Variants in TGM4 observed in about 807,000 individuals in gnomAD.
TGM4 encodes the protein transglutaminase 4.
In TGM4, 61 loss-of-function variants were observed where a neutral mutation model predicts 76.3. The observed-to-expected ratio is 0.80, with a 90% CI of 0.65 to 0.99. TGM4 has a LOEUF of 0.99. Among genes scored for constraint, TGM4 ranks in the 50% least tolerant of loss-of-function variants. The pLI is 0.00. For synonymous variants in TGM4, 337 were observed against 329.8 expected (o/e 1.02, Z -0.24); for missense variants, 794 against 843.2 (o/e 0.94, Z 0.72).
At chr3:44,878,219 A>C (rs1699475080) in intron 1 of TGM4, among the ~76,000 whole-genome samples, 1 of 151,826 alleles carries the variant, frequency 6.6e-6, no homozygotes, top group African/African-American at 2.4e-5. Context: ...GATAAATTTC[A>C]AGACATGTGT....
At chr3:44,896,124 T>G (rs147164369) in intron 5 of TGM4, among the ~76,000 whole-genome samples, 3,038 of 152,302 alleles carry the variant, frequency 0.02, 52 homozygotes, top group Middle Eastern at 0.065. Flanking sequence ...TATTATTATT[T>G]TTTTGAGACA....
At chr3:44,906,094 G>T (rs764754347) in intron 9 of TGM4, among the ~76,000 whole-genome samples, 1 of 152,226 alleles carries the variant, frequency 6.6e-6, no homozygotes, top group Non-Finnish European at 1.5e-5. Context: ...CAGTCAACAA[G>T]TTAGGAGAAG....
intron 1 of TGM4, among the ~76,000 whole-genome samples, chr3:44,877,102 C>T (rs1374035162): frequency 2.6e-5 from 4 of 151,982 alleles, no homozygotes; most frequent in Non-Finnish European, 2.9e-5. Context: ...CCCAGGAGTT[C>T]GAGACCAGCC....
rs1019803351 is a variant in TGM4, at chr3:44,914,027, G to A, written c.*302G>A. The A allele has an allele frequency of 9.6e-5, 28 of 291,030 alleles. No homozygotes were observed. Among genetic ancestry groups the A allele is most frequent in the Non-Finnish European group, 1.3e-4 (21 of 156,398 alleles). The allele number at this position is 291,030 out of a possible 1,614,324, so 18.0% of individuals were successfully genotyped here. On this transcript the variant is annotated 3_prime_UTR_variant, in exon 14 of 14. Transcript: ENST00000296125. The stretch of plus-strand genomic sequence containing the variant: ...GTCTCAATTCAAATCCATAGATTTC[G>A]AAGCCACAGAGTCTCTCCCTGGAGC...
At position 44,901,922 on chromosome 3, in the gene TGM4, A is replaced by T. The variant is rs771802099; in HGVS notation, c.962A>T (p.Asp321Val). ...NGEKITSMTH[D>V]SVWNFHVWTD... ...GAGAAAATCACCAGTATGACCCACG[A>T]CTCTGTCTGGTAGGGTTCCTCCTTC... is the stretch of plus-strand genomic sequence containing the variant. Residue 321 changes from aspartate to valine, a missense_variant, in exon 8 of 14, where the codon GAC (aspartate) becomes GTC (valine). By Grantham distance (152) the Asp-to-Val change is radical. Coordinates refer to ENST00000296125, the MANE Select transcript of TGM4 (RefSeq NM_003241.4). The T allele has an allele frequency of 6.2e-7, 1 of 1,613,766 alleles. No individual in the cohort carries two copies.
Position 44,901,593 on chromosome 3 carries a change from C to A in TGM4, c.727C>A (p.Pro243Thr), listed in dbSNP as rs149567908. Residue 243 changes from proline to threonine, a missense_variant, in exon 7 of 14, where the codon CCA (proline) becomes ACA (threonine). By Grantham distance (38) the Pro-to-Thr change is conservative. Coordinates refer to ENST00000296125, the MANE Select transcript of TGM4 (RefSeq NM_003241.4). Reference protein sequence around the residue: ...WTGDYEGGTAPYKWTGSAPIL... With the variant: ...WTGDYEGGTATYKWTGSAPIL... ...TGGGGACTACGAAGGTGGCACAGCC[C>A]CATACAAGTGGACAGGCAGTGCCCC... The A allele has an allele frequency of 6.2e-7, 1 of 1,613,990 alleles. No individual in the cohort carries two copies. Among genetic ancestry groups the A allele is most frequent in the African/African-American group, 1.3e-5 (1 of 74,928 alleles).
chr3:44,911,521 T>C, intron 13 of TGM4, 115 bp downstream of exon 13: 5 of 1,235,032 alleles, frequency 4.0e-6, no homozygotes, highest in Non-Finnish European at 5.5e-6. Flanking sequence ...AAAATGTAGA[T>C]ACATTTTGCT....
At position 44,896,937 on chromosome 3, in the gene TGM4, A is replaced by G. The variant is rs148473527; in HGVS notation, c.657+121A>G. 1.9e-4 allele frequency: 126 copies of G among 672,118 alleles called. No homozygotes were observed. In the African/African-American group the frequency reaches 2.1e-3, roughly 11 times the overall value. The allele number at this position is 672,118 out of a possible 1,614,324, so 41.6% of individuals were successfully genotyped here. A position where few individuals can be genotyped will look rare whatever the true frequency, so the allele number is the denominator to read the frequency against. On this transcript the variant is annotated intron_variant, in intron 6 of 13. Coordinates refer to ENST00000296125, the MANE Select transcript of TGM4 (RefSeq NM_003241.4). The stretch of plus-strand genomic sequence containing the variant: ...TACACCACTGTGCTATGGCCAATCA[A>G]TTGTTCAAAACTATTAAGAAATAGA...
At position 44,903,652 on chromosome 3, in the gene TGM4, T is replaced by TC. The variant is rs1292638188; in HGVS notation, c.972-227dup. ...AGGCAGGGTGACGGTCTCATGAGGT[T>TC]CCCCCAGCCCTGCCCCCTGCACACA... is the stretch of plus-strand genomic sequence containing the variant. On this transcript the variant is annotated intron_variant, in intron 8 of 13. Transcript: ENST00000296125. The TC allele has an allele frequency of 5.6e-6, 3 of 539,842 alleles. No homozygotes were observed. In the African/African-American group the frequency reaches 5.7e-5, roughly 10 times the overall value. 33.4% of individuals were successfully genotyped at this position (539,842 alleles called of 1,614,324 possible). A position where few individuals can be genotyped will look rare whatever the true frequency, so the allele number is the denominator to read the frequency against.
intron 3 of TGM4, among the ~76,000 whole-genome samples, chr3:44,889,341 C>G (rs1023187818): frequency 6.6e-6 from 1 of 151,978 alleles, no homozygotes; most frequent in Non-Finnish European, 1.5e-5. Context: ...CAGCTTCTCT[C>G]CAGAGGGTGC....
At chr3:44,900,443 A>G (rs1699838057) in intron 6 of TGM4, among the ~76,000 whole-genome samples, 1 of 152,234 alleles carries the variant, frequency 6.6e-6, no homozygotes. Flanking sequence ...AGGTCACGGG[A>G]GGCCCAGGCC....
Position 44,913,667 on chromosome 3 carries a change from T to G in TGM4, c.1997T>G (p.Leu666Ter). ...GGACCCAAGAAATTTATCGTCAAGT[T>G]AAGTTCCAAACAAGTGAAAGAGATT... The part of the protein sequence containing the change: ...KTGPKKFIVK[L>*]SSKQVKEINA... The change falls in exon 14 of 14, where the codon TTA becomes TGA. Residue 666 changes from leucine (L) to a stop codon, truncating the protein, a stop_gained. Coordinates refer to ENST00000296125, the MANE Select transcript of TGM4 (RefSeq NM_003241.4). LOFTEE classifies it high-confidence loss of function. The G allele has an allele frequency of 6.2e-7, 1 of 1,614,194 alleles. No individual in the cohort carries two copies. The highest frequency in any genetic ancestry group is 8.5e-7 in the Non-Finnish European group (1 of 1,180,032).
rs1226349919 is a variant in TGM4 at position 44,896,860 on chromosome 3, A to G, written c.657+44A>G. On this transcript the variant is annotated intron_variant, in intron 6 of 13. Transcript: ENST00000296125. ...GGCTGATGCTGTCTTGTACTTGCCA[A>G]TTGCTCAGCCTTTTTCTGTTTTTCC... 7 of 1,541,950 alleles carry G rather than the reference A, an allele frequency of 4.5e-6. No individual in the cohort carries two copies. In the East Asian group the frequency reaches 6.8e-5, roughly 15 times the overall value.
At chr3:44,886,277 G>C (rs1408991190) in intron 2 of TGM4, among the ~76,000 whole-genome samples, 1 of 152,206 alleles carries the variant, frequency 6.6e-6, no homozygotes, top group Non-Finnish European at 1.5e-5. Context: ...GGAGGTGGAG[G>C]TTGCAGGGAG....
intron 3 of TGM4, among the ~76,000 whole-genome samples, chr3:44,889,846 G>C (rs1249637374): frequency 2.0e-5 from 3 of 152,040 alleles, no homozygotes; most frequent in Admixed American, 1.3e-4. Context: ...TGAAGTTCCA[G>C]ACACTGGGCT....
intron 12 of TGM4, 64 bp downstream of exon 12, chr3:44,911,191 G>A (rs1319700353): frequency 1.2e-6 from 2 of 1,609,864 alleles, no homozygotes; most frequent in Non-Finnish European, 1.7e-6. Context: ...AGTGTGACGG[G>A]GCCCCTAAGA....
At chr3:44,890,508 G>A in intron 3 of TGM4, 95 bp from the exon 4 acceptor site, 4 of 1,530,516 alleles carry the variant, frequency 2.6e-6, no homozygotes, top group Non-Finnish European at 3.5e-6. Context: ...GATGGGATGA[G>A]TTGTTAGGAC....
At chr3:44,879,901 G>A (rs2125746717) in intron 1 of TGM4, among the ~76,000 whole-genome samples, 1 of 151,884 alleles carries the variant, frequency 6.6e-6, no homozygotes, top group South Asian at 2.1e-4. Flanking sequence ...AGGCCCAAGA[G>A]ATACTCTTGC....
At position 44,890,651 on chromosome 3, in the gene TGM4, C is replaced by T. The variant is rs148772351; in HGVS notation, c.349C>T (p.Gln117Ter). 2.3e-5 allele frequency: 37 copies of T among 1,614,046 alleles called. No homozygotes were observed. The highest frequency in any genetic ancestry group is 3.3e-5 in the Admixed American group (2 of 60,004). The change falls in exon 4 of 14, where the codon CAA (glutamine) becomes TAA (stop). Residue 117 changes from glutamine (Q) to a stop codon, truncating the protein, a stop_gained. Coordinates refer to ENST00000296125, the MANE Select transcript of TGM4 (RefSeq NM_003241.4). LOFTEE classifies it high-confidence loss of function. ...SSPNAILGKYQLNVKTGNHIL... is the reference protein window; with the variant it reads ...SSPNAILGKY ...CCCCAATGCCATCCTGGGCAAGTAC[C>T]AACTAAACGTGAAAACTGGAAACCA...
Sources: allele counts gnomAD v4.1 joint callset (sites outside exome capture counted in the v4.1 genomes callset), GRCh38; gene constraint gnomAD v4.1.1; transcripts MANE v1.5; gene names NCBI Gene and HGNC (gene_info 2026-07-23, HGNC 2026-07-21).